Variants in STIM1 observed in about 807,000 individuals in gnomAD.
STIM1 encodes stromal interaction molecule 1.
Under a neutral mutation model 74.7 loss-of-function variants are expected in STIM1, and 25 were observed. The ratio of observed to expected loss-of-function variants is 0.33; its 90% CI spans 0.24 to 0.47. The LOEUF is 0.47. Ranked by LOEUF, STIM1 falls within the 20% of genes least tolerant of loss-of-function variation. The pLI, the probability that STIM1 is intolerant of heterozygous loss-of-function variation, is 1.00. For missense variants in STIM1, 728 were observed against 920.8 expected, an observed-to-expected ratio of 0.79 and a Z score of 2.71; for synonymous variants, 328 against 348.8, an observed-to-expected ratio of 0.94 and a Z score of 0.66.
At chr11:3,960,620 T>A (rs2093275203) in intron 1 of STIM1, among the ~76,000 whole-genome samples, 1 of 152,228 alleles carries the variant, frequency 6.6e-6, no homozygotes, top group African/African-American at 2.4e-5. Flanking sequence ...TAGTTTGGGA[T>A]TTCACATTGC....
At chr11:3,917,643 C>T (rs749470237) in intron 1 of STIM1, among the ~76,000 whole-genome samples, 3 of 152,090 alleles carry the variant, frequency 2.0e-5, no homozygotes, top group Admixed American at 6.6e-5. Context: ...CCATGTTGCC[C>T]AGGCTGGTGT....
intron 12 of STIM1, chr11:4,086,944 T>C (rs2094497482): frequency 1.4e-6 from 2 of 1,475,304 alleles, no homozygotes; most frequent in East Asian, 4.9e-5. Flanking sequence ...AGCTGCTGCT[T>C]GATCAACTCT....
rs1000538888 is a variant in STIM1 at position 3,864,815 on chromosome 11, G to A, written c.139+8406G>A. Among the ~76,000 whole-genome samples, 86 of 152,190 alleles carry A rather than the reference G, an allele frequency of 5.7e-4. 1 individual carries two copies. The highest frequency in any genetic ancestry group is 1.3e-4 in the Non-Finnish European group (9 of 68,030). ...CACTTCTAGGTTCTGTGGCCTTTTA[G>A]TTTTTCTTTGACTTCCTTTGCTTAT... On this transcript the variant is annotated intron_variant, in intron 1 of 12. Coordinates refer to ENST00000526596, the MANE Select transcript of STIM1 (RefSeq NM_001382567.1).
chr11:3,861,922 C>T (rs1172375608), intron 1 of STIM1, among the ~76,000 whole-genome samples: 1 of 152,012 alleles, frequency 6.6e-6, no homozygotes, highest in Non-Finnish European at 1.5e-5. Flanking sequence ...CTCTGGTTTC[C>T]TGCTGGGTAA....
At position 3,937,395 on chromosome 11, in the gene STIM1, CT is replaced by C. The variant is rs1223625325; in HGVS notation, c.140-30154del. On this transcript the variant is annotated intron_variant, in intron 1 of 12. Transcript: ENST00000526596. ...GGGGCTGTTCTTCTTCCCTCTTTCTCTTTATGAAGTATTCAAAAACTCTAAG... is the reference window on the plus strand; with the variant it reads ...GGGGCTGTTCTTCTTCCCTCTTTCTCTTATGAAGTATTCAAAAACTCTAAG... Among the ~76,000 whole-genome samples the C allele has an allele frequency of 3.3e-5, 5 of 152,022 alleles. No individual in the cohort carries two copies. The East Asian group carries it at 9.6e-4, about 29-fold the overall frequency.
intron 1 of STIM1, among the ~76,000 whole-genome samples, chr11:3,928,217 G>A (rs1003885541): frequency 2.7e-4 from 40 of 148,088 alleles, no homozygotes; most frequent in African/African-American, 9.0e-4. Context: ...GTAATCCTGC[G>A]TAACAGTCCA....
At chr11:3,919,839 A>G (rs1055243160) in intron 1 of STIM1, among the ~76,000 whole-genome samples, 10 of 152,130 alleles carry the variant, frequency 6.6e-5, no homozygotes, top group African/African-American at 2.4e-4. Flanking sequence ...GCTACTTGGG[A>G]TGCTGAAGTG....
intron 1 of STIM1, among the ~76,000 whole-genome samples, chr11:3,882,451 A>C (rs540397188): frequency 6.6e-6 from 1 of 152,236 alleles, no homozygotes; most frequent in East Asian, 1.9e-4. Flanking sequence ...TTATACAATA[A>C]TTTGTTTATC....
intron 2 of STIM1, among the ~76,000 whole-genome samples, chr11:3,983,356 T>A (rs2093525832): frequency 6.6e-6 from 1 of 152,220 alleles, no homozygotes; most frequent in South Asian, 2.1e-4. Flanking sequence ...TTGCCTCAGT[T>A]CCTGGGGAGG....
intron 2 of STIM1, among the ~76,000 whole-genome samples, chr11:4,011,631 T>C (rs1413671170): frequency 1.9e-4 from 29 of 152,234 alleles, no homozygotes; most frequent in Non-Finnish European, 1.6e-4. Flanking sequence ...ATTAGCCCTT[T>C]GTCAGATGGA....
In STIM1 at chr11:4,031,118, A is replaced by G. The variant is rs759108429; in HGVS notation, c.385+7131A>G. Among the ~76,000 whole-genome samples the G allele has an allele frequency of 1.7e-4, 26 of 152,318 alleles. No individual in the cohort carries two copies. In the Middle Eastern group the frequency reaches 0.01, roughly 60 times the overall value. On this transcript the variant is annotated intron_variant, in intron 3 of 12. Transcript: ENST00000526596. ...CCATAGATTAGTTTGCATTTGCTAC[A>G]GTTTTATGTAAATGGAGTTATATAA... is the stretch of plus-strand genomic sequence containing the variant.
At chr11:3,872,886 A>G (rs2091162132) in intron 1 of STIM1, among the ~76,000 whole-genome samples, 1 of 151,764 alleles carries the variant, frequency 6.6e-6, no homozygotes, top group African/African-American at 2.4e-5. Flanking sequence ...TGATTCTCAA[A>G]GTCACTTCCA....
chr11:3,872,059 T>C (rs2091117276), intron 1 of STIM1, among the ~76,000 whole-genome samples: 1 of 152,176 alleles, frequency 6.6e-6, no homozygotes, highest in African/African-American at 2.4e-5. Flanking sequence ...TTTCTAACTC[T>C]CGTTTTTTTT....
At chr11:3,927,228 G>A (rs34569763) in intron 1 of STIM1, among the ~76,000 whole-genome samples, 3,009 of 152,248 alleles carry the variant, frequency 0.02, 41 homozygotes, top group Non-Finnish European at 0.03. Flanking sequence ...CTTATATTAA[G>A]TTCTTATAAA....
chr11:4,039,855 C>A (rs1397527831), intron 3 of STIM1, among the ~76,000 whole-genome samples: 3 of 151,994 alleles, frequency 2.0e-5, no homozygotes, highest in African/African-American at 7.2e-5. Flanking sequence ...GCAACCTCTG[C>A]CTCCCAGGTT....
At chr11:3,882,202 C>T (rs1314721227) in intron 1 of STIM1, among the ~76,000 whole-genome samples, 5 of 148,180 alleles carry the variant, frequency 3.4e-5, no homozygotes, top group East Asian at 2.0e-4. Context: ...TGGGTTCAAG[C>T]GATTCTCCTA....
chr11:4,056,725 G>A (rs2094292887), intron 4 of STIM1, among the ~76,000 whole-genome samples: 1 of 152,204 alleles, frequency 6.6e-6, no homozygotes, highest in South Asian at 2.1e-4. Context: ...GCTTCTCTCT[G>A]CTCTGGAGAG....
At chr11:3,900,743 C>G (rs1475344682) in intron 1 of STIM1, among the ~76,000 whole-genome samples, 1 of 152,190 alleles carries the variant, frequency 6.6e-6, no homozygotes, top group Non-Finnish European at 1.5e-5. Context: ...CCATGCCTGG[C>G]TAATATATTT....
rs2094526007 is a variant in STIM1 at position 4,091,646 on chromosome 11, C to T, written c.1999C>T (p.Leu667=). ...TPSPVGDSRA[L]QASRNTRIPH... Reference sequence around the variant, plus strand: ...ATCTCCAGTTGGGGACAGCCGAGCCCTGCAAGCCAGCCGAAACACACGCAT... The same window carrying T: ...ATCTCCAGTTGGGGACAGCCGAGCCTTGCAAGCCAGCCGAAACACACGCAT... The change falls in exon 13 of 13, where the codon CTG becomes TTG. Residue 667 remains leucine, a synonymous_variant. Coordinates refer to ENST00000526596, the MANE Select transcript of STIM1 (RefSeq NM_001382567.1). The T allele has an allele frequency of 6.2e-7, 1 of 1,614,218 alleles. No individual in the cohort carries two copies. The highest frequency in any genetic ancestry group is 8.5e-7 in the Non-Finnish European group (1 of 1,180,042).
Sources: gnomAD v4.1 joint callset for allele counts (sites outside exome capture counted in the v4.1 genomes callset) on GRCh38, gnomAD v4.1.1 for gene constraint, MANE v1.5 for transcripts, NCBI Gene and HGNC (gene_info 2026-07-23, HGNC 2026-07-21) for gene names.